The following CIB4 variants were observed in gnomAD, a reference collection of about 807,000 sequenced individuals.
CIB4 encodes the protein calcium and integrin binding family member 4, also known as calcium and integrin-binding family member 4.
Under a neutral mutation model 25.8 loss-of-function variants are expected in CIB4, and 25 were observed. The observed-to-expected ratio is 0.97, with a 90% CI of 0.71 to 1.35. The LOEUF is 1.35. Ranked by LOEUF, CIB4 falls within the 40% of genes most tolerant of loss-of-function variation. The probability of loss-of-function intolerance (pLI) is 0.00; values close to 1 mark genes in which losing one functional copy is unlikely to be tolerated. For synonymous variants in CIB4, 75 were observed against 81.4 expected (o/e 0.92, Z 0.42); for missense variants, 235 against 228.2 (o/e 1.03, Z -0.19).
intron 3 of CIB4, among the ~76,000 whole-genome samples, chr2:26,603,875 C>A (rs769025885): frequency 2.6e-5 from 4 of 151,106 alleles, no homozygotes; most frequent in Admixed American, 6.6e-5. Flanking sequence ...TGGTGGTGTG[C>A]GCCTGTAGTC....
intron 3 of CIB4, among the ~76,000 whole-genome samples, chr2:26,621,252 G>GAAAAAAAAAAA (rs10689851): frequency 9.8e-6 from 1 of 101,912 alleles, no homozygotes; most frequent in African/African-American, 4.0e-5. Context: ...AAGTTTCCAG[G>GAAAAAAAAAAA]AAAAAAAAAA....
chr2:26,621,770 G>A (rs1370647217), intron 3 of CIB4, among the ~76,000 whole-genome samples: 1 of 152,128 alleles, frequency 6.6e-6, no homozygotes, highest in Non-Finnish European at 1.5e-5. Flanking sequence ...ATCCCAAGGT[G>A]GTAACATATA....
At chr2:26,614,520 C>T (rs573816132) in intron 3 of CIB4, among the ~76,000 whole-genome samples, 1 of 152,368 alleles carries the variant, frequency 6.6e-6, no homozygotes, top group East Asian at 1.9e-4. Flanking sequence ...ACCTCAGACA[C>T]ATGAACAGTT....
intron 3 of CIB4, among the ~76,000 whole-genome samples, chr2:26,614,829 G>C (rs941121409): frequency 6.6e-6 from 1 of 152,190 alleles, no homozygotes; most frequent in Non-Finnish European, 1.5e-5. Flanking sequence ...CTGAGGCTCC[G>C]GGAAGTGGAG....
chr2:26,601,912 G>A (rs1367569524), intron 3 of CIB4, among the ~76,000 whole-genome samples: 1 of 152,202 alleles, frequency 6.6e-6, no homozygotes, highest in Non-Finnish European at 1.5e-5. Flanking sequence ...CATATTGTAT[G>A]AGTCCATCCC....
intron 3 of CIB4, among the ~76,000 whole-genome samples, chr2:26,608,239 C>CAAAAAAAAAAAAA (rs34295840): frequency 8.1e-6 from 1 of 123,594 alleles, no homozygotes; most frequent in Non-Finnish European, 1.7e-5. Context: ...GACTCTGTCT[C>CAAAAAAAAAAAAA]AAAAAAAAAA....
At chr2:26,599,942 G>A (rs1004977843) in intron 3 of CIB4, among the ~76,000 whole-genome samples, 5 of 146,584 alleles carry the variant, frequency 3.4e-5, no homozygotes, top group Admixed American at 6.7e-5. Flanking sequence ...ACATGGTGGC[G>A]TGCACCTGTA....
At chr2:26,590,091 T>G (rs1406447216) in intron 4 of CIB4, among the ~76,000 whole-genome samples, 2 of 151,956 alleles carry the variant, frequency 1.3e-5, no homozygotes, top group African/African-American at 4.8e-5. Context: ...CCATGGCCAC[T>G]GCTCCACATC....
At chr2:26,606,443 A>C (rs1003376865) in intron 3 of CIB4, among the ~76,000 whole-genome samples, 7 of 152,186 alleles carry the variant, frequency 4.6e-5, no homozygotes, top group African/African-American at 1.7e-4. Flanking sequence ...GGATTCAGGG[A>C]AAAGCTGTTC....
chr2:26,592,584 G>C (rs1423592327), intron 4 of CIB4, among the ~76,000 whole-genome samples: 3 of 152,022 alleles, frequency 2.0e-5, no homozygotes. Flanking sequence ...ACTCCACCTA[G>C]ATACATGTTA....
chr2:26,630,477 T>C (rs1465261168), intron 2 of CIB4, among the ~76,000 whole-genome samples: 1 of 152,148 alleles, frequency 6.6e-6, no homozygotes, highest in Admixed American at 6.5e-5. Context: ...ACAAGAATGA[T>C]ATGTCTCTTG....
At chr2:26,595,866 C>T (rs941857730) in intron 3 of CIB4, among the ~76,000 whole-genome samples, 4 of 151,866 alleles carry the variant, frequency 2.6e-5, no homozygotes, top group Admixed American at 6.6e-5. Context: ...CAATACACTC[C>T]TTAGATCCAT....
chr2:26,588,060 C>G (rs2148189986), intron 4 of CIB4, among the ~76,000 whole-genome samples: 1 of 152,344 alleles, frequency 6.6e-6, no homozygotes. Flanking sequence ...TCTCCCTGCA[C>G]AGGCTCTGCT....
intron 3 of CIB4, among the ~76,000 whole-genome samples, chr2:26,601,234 ATATATATATATAT>A (rs1558561100): frequency 0.14 from 1,192 of 8,812 alleles, 83 homozygotes; most frequent in East Asian, 0.36. Flanking sequence ...AAAAAAAAAT[ATATATATATATAT>A]ATATATATAT....
intron 2 of CIB4, among the ~76,000 whole-genome samples, chr2:26,633,593 T>A (rs930517165): frequency 6.6e-6 from 1 of 152,166 alleles, no homozygotes. Flanking sequence ...GGGCTGCCCA[T>A]AGATGAATCG....
At chr2:26,588,939 G>C (rs1336470087) in intron 4 of CIB4, among the ~76,000 whole-genome samples, 1 of 152,068 alleles carries the variant, frequency 6.6e-6, no homozygotes, top group Non-Finnish European at 1.5e-5. Flanking sequence ...GGGAGGTGTG[G>C]CTGTCCCTGC....
In CIB4 at chr2:26,581,501, G is replaced by A. The variant is rs888366082; in HGVS notation, c.528-108C>T. The A allele has an allele frequency of 2.1e-5, 23 of 1,107,378 alleles. No individual in the cohort carries two copies. The African/African-American group carries it at 3.2e-4, about 16-fold the overall frequency. The allele number at this position is 1,107,378 out of a possible 1,614,324, so 68.6% of individuals were successfully genotyped here. A position where few individuals can be genotyped will look rare whatever the true frequency, so the allele number is the denominator to read the frequency against. On this transcript the variant is annotated intron_variant, in intron 6 of 6. Coordinates refer to ENST00000288861, the MANE Select transcript of CIB4 (RefSeq NM_001029881.3). ...GCTCCCTCCCCGGCCTGCATCTCGT[G>A]TCCCTTTCTCTGGGTGACGGCCACT...
chr2:26,589,135 TTCTTCTCCTTCCCCTTCC>T (rs1668535677), intron 4 of CIB4, among the ~76,000 whole-genome samples: 2 of 128,836 alleles, frequency 1.6e-5, no homozygotes, highest in African/African-American at 6.3e-5. Context: ...CTTCTTCTTC[TTCTTCTCCTTCCCCTTCC>T]CCTTCCCCTT....
At chr2:26,581,679 G>A (rs1372332975) in intron 6 of CIB4, among the ~76,000 whole-genome samples, 1 of 152,260 alleles carries the variant, frequency 6.6e-6, no homozygotes, top group Non-Finnish European at 1.5e-5. Flanking sequence ...CAGTCGGGGT[G>A]CCAGCTTCAA....
Sources: allele counts gnomAD v4.1 joint callset (sites outside exome capture counted in the v4.1 genomes callset), GRCh38; gene constraint gnomAD v4.1.1; transcripts MANE v1.5; gene names NCBI Gene and HGNC (gene_info 2026-07-23, HGNC 2026-07-21).